SAFB: variants seen among roughly 807,000 people sequenced by gnomAD.
SAFB encodes the protein scaffold attachment factor B1.
A neutral mutation model predicts 101.6 loss-of-function variants in SAFB; 15 were observed. That is an observed-to-expected ratio of 0.15 (90% CI 0.10 to 0.23). The LOEUF (loss-of-function observed/expected upper bound fraction) is 0.23, where lower values mean the gene tolerates loss of function less well. Among genes scored for constraint, SAFB ranks in the 10% least tolerant of loss-of-function variants. The pLI is 1.00. For synonymous variants in SAFB, 449 were observed against 407.5 expected (o/e 1.10, Z -1.23); for missense variants, 930 against 1,104.1 (o/e 0.84, Z 2.23).
intron 2 of SAFB, among the ~76,000 whole-genome samples, chr19:5,635,140 A>G (rs554503165): frequency 1.3e-5 from 2 of 152,186 alleles, no homozygotes; most frequent in Non-Finnish European, 2.9e-5. Context: ...CTCCATCTCA[A>G]AAAAAAATTT....
At chr19:5,649,802 C>A (rs1452076261) in intron 7 of SAFB, 124 bp from the exon 8 acceptor site, 1 of 894,106 alleles carries the variant, frequency 1.1e-6, no homozygotes. Flanking sequence ...ACAAGTTTGT[C>A]GGGGTATCAT....
intron 1 of SAFB, among the ~76,000 whole-genome samples, 161 bp from the exon 2 acceptor site, chr19:5,626,244 A>T (rs915798995): frequency 6.6e-6 from 1 of 152,152 alleles, no homozygotes; most frequent in African/African-American, 2.4e-5. Flanking sequence ...TCCAGTGTAG[A>T]GCGAGATAAC....
intron 14 of SAFB, among the ~76,000 whole-genome samples, chr19:5,659,712 A>C (rs2054151735): frequency 6.6e-6 from 1 of 151,924 alleles, no homozygotes; most frequent in African/African-American, 2.4e-5. Context: ...AAAAAAAACA[A>C]AGTCTCCCAT....
intron 9 of SAFB, among the ~76,000 whole-genome samples, chr19:5,651,828 A>G (rs2053945383): frequency 6.6e-6 from 1 of 152,200 alleles, no homozygotes; most frequent in Non-Finnish European, 1.5e-5. Context: ...TTTGTGTTAC[A>G]CAGTGAGGGT....
At chr19:5,659,780 G>A (rs1208104903) in intron 14 of SAFB, among the ~76,000 whole-genome samples, 5 of 151,888 alleles carry the variant, frequency 3.3e-5, no homozygotes, top group Admixed American at 6.5e-5. Context: ...TAATGAACAC[G>A]GGCAGCCTGG....
rs2054287941 is a variant in SAFB at position 5,664,565 on chromosome 19, A to G, written c.2334+126A>G. ...AAATGAGGAAAGAGAAAAGTAAAGC[A>G]CTAGAAAAGTCTAGGTTTGTGGAAT... On this transcript the variant is annotated intron_variant, in intron 17 of 20. Coordinates refer to ENST00000588852, the MANE Select transcript of SAFB (RefSeq NM_001201338.2). The G allele has an allele frequency of 1.5e-5, 11 of 754,648 alleles. 1 individual carries two copies. In the South Asian group the frequency reaches 1.7e-4, roughly 12 times the overall value. The allele number at this position is 754,648 out of a possible 1,614,324, so 46.7% of individuals were successfully genotyped here. A position where few individuals can be genotyped will look rare whatever the true frequency, so the allele number is the denominator to read the frequency against.
At chr19:5,632,970 A>C (rs1356158996) in intron 2 of SAFB, among the ~76,000 whole-genome samples, 1 of 152,218 alleles carries the variant, frequency 6.6e-6, no homozygotes, top group African/African-American at 2.4e-5. Context: ...TGGCCATGTT[A>C]GCTGACTTCA....
At chr19:5,623,496 G>T in intron 1 of SAFB, 102 bp downstream of exon 1, 5 of 983,014 alleles carry the variant, frequency 5.1e-6, no homozygotes, top group Non-Finnish European at 5.8e-6. Context: ...CCGCGTTCGC[G>T]GCCTCGCCGG....
chr19:5,638,974 G>T (rs967230148), intron 2 of SAFB, among the ~76,000 whole-genome samples: 26 of 151,036 alleles, frequency 1.7e-4, no homozygotes, highest in African/African-American at 5.6e-4. Flanking sequence ...TGATCCACCC[G>T]CCTTGGCCTC....
rs201604799 is a variant in SAFB at position 5,667,107 on chromosome 19, G to A, written c.2396G>A (p.Gly799Glu). The A allele has an allele frequency of 1.9e-6, 3 of 1,612,894 alleles. No individual in the cohort carries two copies. In the East Asian group the frequency reaches 6.7e-5, roughly 36 times the overall value. The change falls in exon 18 of 21, where the codon GGG (glycine) becomes GAG (glutamate). Residue 799 changes from glycine (G) to glutamate (E), a missense_variant. Physicochemically the swap from Gly to Glu is moderately conservative, Grantham distance 98 (BLOSUM62 -2). Coordinates refer to ENST00000588852, the MANE Select transcript of SAFB (RefSeq NM_001201338.2). The surrounding 1 kb of genome is among the most constrained non-coding windows in gnomAD (Gnocchi z 4.0). ...GGCCGGGACTCCCGCGATGGCTGGG[G>A]GGGCTATGGCTCTGACAAGAGGATG... ...RHGRDSRDGW[G>E]GYGSDKRMSE...
chr19:5,639,829 T>G (rs766187009), intron 2 of SAFB, among the ~76,000 whole-genome samples: 1 of 151,994 alleles, frequency 6.6e-6, no homozygotes, highest in African/African-American at 2.4e-5. Flanking sequence ...CCGAAGTGTT[T>G]TGTTTGTTTG....
chr19:5,623,479 C>A, intron 1 of SAFB, 85 bp downstream of exon 1: 1 of 1,218,164 alleles, frequency 8.2e-7, no homozygotes, highest in East Asian at 2.8e-5. Context: ...CTGGCGTCCG[C>A]CCCCGGCCGC....
intron 2 of SAFB, among the ~76,000 whole-genome samples, chr19:5,635,632 A>AT (rs2053580162): frequency 6.6e-6 from 1 of 152,288 alleles, no homozygotes; most frequent in African/African-American, 2.4e-5. Context: ...AACCACCCAC[A>AT]TGCAGCCCTG....
At chr19:5,662,302 A>AGCCTG (rs763093748) in intron 15 of SAFB, among the ~76,000 whole-genome samples, 2 of 152,150 alleles carry the variant, frequency 1.3e-5, no homozygotes, top group Non-Finnish European at 2.9e-5. Flanking sequence ...GTTGAAGACC[A>AGCCTG]GCCTGGCCAA....
At chr19:5,655,469 A>G (rs1210213206) in intron 13 of SAFB, among the ~76,000 whole-genome samples, 1 of 151,520 alleles carries the variant, frequency 6.6e-6, no homozygotes, top group Non-Finnish European at 1.5e-5. Context: ...CAAAAAAAAA[A>G]AAAAAAAAAA....
intron 13 of SAFB, among the ~76,000 whole-genome samples, chr19:5,655,659 G>A (rs865789143): frequency 1.5e-4 from 23 of 152,232 alleles, no homozygotes; most frequent in African/African-American, 5.3e-4. Flanking sequence ...TCAGCTGCAC[G>A]GAGGAGGAAC....
chr19:5,632,703 G>A (rs2053516039), intron 2 of SAFB, among the ~76,000 whole-genome samples: 1 of 152,120 alleles, frequency 6.6e-6, no homozygotes, highest in Admixed American at 6.5e-5. Flanking sequence ...TTATACGCTT[G>A]TCAGAAATAC....
Position 5,668,419 on chromosome 19 carries a change from T to C in SAFB, c.*128T>C, listed in dbSNP as rs1015118487. 2.7e-6 allele frequency: 3 copies of C among 1,113,912 alleles called. No homozygotes were observed. Among genetic ancestry groups the C allele is most frequent in the African/African-American group, 3.3e-5 (2 of 60,200 alleles). The allele number at this position is 1,113,912 out of a possible 1,614,324, so 69.0% of individuals were successfully genotyped here. A position where few individuals can be genotyped will look rare whatever the true frequency, so the allele number is the denominator to read the frequency against. ...TGTAGCTCAATACAATGTGAATTTG[T>C]TTTTCGTTTTGGGGTTTTTTTTTTT... On this transcript the variant is annotated 3_prime_UTR_variant, in exon 21 of 21. Transcript: ENST00000588852.
intron 12 of SAFB, 30 bp downstream of exon 12, chr19:5,654,230 G>A: frequency 6.2e-7 from 1 of 1,613,034 alleles, no homozygotes; most frequent in Non-Finnish European, 8.5e-7. Flanking sequence ...AGGAGATTCT[G>A]TCTTGTTTCT....
Sources: allele counts gnomAD v4.1 joint callset (sites outside exome capture counted in the v4.1 genomes callset), GRCh38; gene constraint gnomAD v4.1.1; non-coding constraint Gnocchi (gnomAD v3.1); transcripts MANE v1.5; gene names NCBI Gene and HGNC (gene_info 2026-07-23, HGNC 2026-07-21).